Variants in PLPPR5 observed in about 807,000 individuals in gnomAD.
PLPPR5 encodes the protein phospholipid phosphatase-related protein type 5.
Under a neutral mutation model 33.9 loss-of-function variants are expected in PLPPR5, and 16 were observed. The observed-to-expected ratio is 0.47, with a 90% CI of 0.32 to 0.72. The LOEUF is 0.72. Ranked by LOEUF, PLPPR5 falls within the 30% of genes least tolerant of loss-of-function variation. The pLI is 0.03. For synonymous variants in PLPPR5, 163 were observed against 150.3 expected (o/e 1.08, Z -0.62); for missense variants, 301 against 406.7 (o/e 0.74, Z 2.23).
chr1:98,943,361 T>C (rs1384110272), intron 3 of PLPPR5, among the ~76,000 whole-genome samples: 1 of 152,142 alleles, frequency 6.6e-6, no homozygotes, highest in Non-Finnish European at 1.5e-5. Flanking sequence ...TTACTCAGGT[T>C]TCCATACACT....
chr1:98,900,290 C>T (rs956573591), intron 5 of PLPPR5, among the ~76,000 whole-genome samples: 1 of 152,100 alleles, frequency 6.6e-6, no homozygotes, highest in Non-Finnish European at 1.5e-5. Context: ...GTTGCGTGAG[C>T]TGGATTCTCC....
At chr1:98,983,309 T>G (rs1652126723) in intron 1 of PLPPR5, among the ~76,000 whole-genome samples, 1 of 135,166 alleles carries the variant, frequency 7.4e-6, no homozygotes, top group Non-Finnish European at 1.6e-5. Context: ...CATTGTTCAA[T>G]TCCCACCTAT....
intron 3 of PLPPR5, among the ~76,000 whole-genome samples, chr1:98,949,617 C>A (rs1650701959): frequency 6.6e-6 from 1 of 152,170 alleles, no homozygotes; most frequent in African/African-American, 2.4e-5. Context: ...TTCTGGCAAG[C>A]ATTTCATGAG....
chr1:98,914,484 T>C (rs1430818157), intron 5 of PLPPR5, among the ~76,000 whole-genome samples: 1 of 152,052 alleles, frequency 6.6e-6, no homozygotes, highest in Non-Finnish European at 1.5e-5. Flanking sequence ...ATGAGGTTTC[T>C]CCATGTTGGC....
intron 3 of PLPPR5, among the ~76,000 whole-genome samples, chr1:98,942,704 G>A (rs1305012222): frequency 1.3e-5 from 2 of 152,120 alleles, no homozygotes; most frequent in Non-Finnish European, 2.9e-5. Context: ...TGGCAAATGG[G>A]TAGAAGGAAT....
intron 1 of PLPPR5, among the ~76,000 whole-genome samples, chr1:98,978,826 A>G (rs1284389899): frequency 2.0e-5 from 3 of 152,076 alleles, no homozygotes; most frequent in Non-Finnish European, 2.9e-5. Flanking sequence ...AATTCATTCC[A>G]TATTACAAGA....
intron 3 of PLPPR5, among the ~76,000 whole-genome samples, chr1:98,935,962 G>A (rs1053753324): frequency 2.6e-5 from 4 of 152,072 alleles, no homozygotes; most frequent in Admixed American, 6.5e-5. Flanking sequence ...CCACCTCAAC[G>A]TGCACCTGGG....
intron 3 of PLPPR5, among the ~76,000 whole-genome samples, chr1:98,925,713 T>C (rs1270801846): frequency 6.6e-6 from 1 of 152,100 alleles, no homozygotes; most frequent in African/African-American, 2.4e-5. Flanking sequence ...ACACAAATAT[T>C]TATTAAGCAC....
At chr1:98,956,543 T>A in intron 2 of PLPPR5, 66 bp downstream of exon 2, 1 of 1,415,558 alleles carries the variant, frequency 7.1e-7, no homozygotes, top group South Asian at 1.5e-5. Flanking sequence ...TGTGGGTTAT[T>A]TTAAGGTTTA....
chr1:98,965,075 A>C (rs1007184847), intron 1 of PLPPR5, among the ~76,000 whole-genome samples: 1 of 151,548 alleles, frequency 6.6e-6, no homozygotes, highest in Non-Finnish European at 1.5e-5. Context: ...AGCCTCCCAA[A>C]GTGCTGGGAT....
chr1:98,986,204 A>G (rs530566954), intron 1 of PLPPR5, among the ~76,000 whole-genome samples: 8 of 152,074 alleles, frequency 5.3e-5, no homozygotes, highest in Admixed American at 3.3e-4. Flanking sequence ...TGCTGAACAT[A>G]TGTTTAAAGT....
intron 1 of PLPPR5, among the ~76,000 whole-genome samples, chr1:98,988,993 T>C (rs1356814068): frequency 6.6e-6 from 1 of 152,134 alleles, no homozygotes; most frequent in Non-Finnish European, 1.5e-5. Flanking sequence ...ATCCCTTTTA[T>C]AGAGTAAGAC....
At chr1:98,947,609 T>C (rs1295496299) in intron 3 of PLPPR5, among the ~76,000 whole-genome samples, 2 of 152,194 alleles carry the variant, frequency 1.3e-5, no homozygotes, top group Non-Finnish European at 2.9e-5. Context: ...TTTTAAAGAT[T>C]TTAAAACACG....
chr1:98,995,255 A>G (rs1179483164), intron 1 of PLPPR5, among the ~76,000 whole-genome samples: 2 of 152,054 alleles, frequency 1.3e-5, no homozygotes, highest in Non-Finnish European at 1.5e-5. Flanking sequence ...AATCAACTTA[A>G]ACACTGAGTA....
At chr1:98,984,065 T>C (rs1557693318) in intron 1 of PLPPR5, among the ~76,000 whole-genome samples, 2 of 151,838 alleles carry the variant, frequency 1.3e-5, no homozygotes, top group Non-Finnish European at 2.9e-5. Context: ...GGAATATCAC[T>C]AGCTAAGCTG....
chr1:99,004,360 T>TAG, intron 1 of PLPPR5, 75 bp downstream of exon 1: 1 of 1,305,672 alleles, frequency 7.7e-7, no homozygotes, highest in Non-Finnish European at 1.0e-6. Context: ...CCCCAACCCT[T>TAG]AGAGGGGCCT....
intron 2 of PLPPR5, 37 bp from the exon 3 acceptor site, chr1:98,953,357 G>T (rs1650861854): frequency 2.6e-6 from 2 of 781,344 alleles, no homozygotes; most frequent in South Asian, 2.2e-5. Flanking sequence ...CTTCTTGCTT[G>T]TGTGTGTGTG....
At chr1:98,985,805 T>C (rs927924432) in intron 1 of PLPPR5, among the ~76,000 whole-genome samples, 39 of 152,218 alleles carry the variant, frequency 2.6e-4, no homozygotes, top group African/African-American at 8.4e-4. Flanking sequence ...TATAGCCTCA[T>C]TGTATACACA....
At chr1:99,002,003 A>G (rs1464326890) in intron 1 of PLPPR5, among the ~76,000 whole-genome samples, 1 of 152,120 alleles carries the variant, frequency 6.6e-6, no homozygotes, top group East Asian at 1.9e-4. Context: ...TTATTAGAGT[A>G]TATGGAAGAA....
Sources: allele counts gnomAD v4.1 joint callset (sites outside exome capture counted in the v4.1 genomes callset), GRCh38; gene constraint gnomAD v4.1.1; transcripts MANE v1.5; gene names NCBI Gene and HGNC (gene_info 2026-07-23, HGNC 2026-07-21).